ARHGEF3: variants seen among roughly 807,000 people sequenced by gnomAD.
ARHGEF3 encodes the protein 59.8 kDA protein.
A neutral mutation model predicts 63.2 loss-of-function variants in ARHGEF3; 28 were observed. That is an observed-to-expected ratio of 0.44 (90% CI 0.33 to 0.61). ARHGEF3 has a LOEUF of 0.61. ARHGEF3 is among the 20% of genes least tolerant of loss of function. The pLI is 0.03. For synonymous variants in ARHGEF3, 266 were observed against 254.2 expected (o/e 1.05, Z -0.44); for missense variants, 533 against 659.3 (o/e 0.81, Z 2.10).
chr3:57,010,556 T>C (rs1464090325), intron 2 of ARHGEF3, among the ~76,000 whole-genome samples: 2 of 152,328 alleles, frequency 1.3e-5, no homozygotes, highest in Non-Finnish European at 2.9e-5. Context: ...CAGGTTATTT[T>C]ACAGGGTTGT....
intron 2 of ARHGEF3, among the ~76,000 whole-genome samples, chr3:56,965,021 G>A (rs56119963): frequency 0.14 from 20,729 of 152,170 alleles, 1,568 homozygotes; most frequent in East Asian, 0.25. Flanking sequence ...GGGTGGCCAA[G>A]GAAGGAGGAT....
intron 2 of ARHGEF3, among the ~76,000 whole-genome samples, chr3:56,995,483 T>G (rs1701933932): frequency 6.6e-6 from 1 of 152,126 alleles, no homozygotes. Flanking sequence ...CATGATAAGA[T>G]CAGGCAGTGA....
At chr3:56,786,010 G>T (rs937795235) in intron 1 of ARHGEF3, among the ~76,000 whole-genome samples, 1 of 152,144 alleles carries the variant, frequency 6.6e-6, no homozygotes. Context: ...TGTTCAAGAT[G>T]CTCCCTGGTT....
chr3:57,042,676 A>C, intron 1 of ARHGEF3, among the ~76,000 whole-genome samples: 1 of 27,698 alleles, frequency 3.6e-5, no homozygotes, highest in East Asian at 9.5e-4. Flanking sequence ...ATATATATAT[A>C]TATATATATA....
Position 56,789,326 on chromosome 3 carries a change from C to T in ARHGEF3, c.96+12377G>A, listed in dbSNP as rs375889315. ...GTGTAATCTCACCCAATCCTTCCCACCAGAGTGAAGGAAAAAAGGAACAGG... is the reference window on the plus strand; with the variant it reads ...GTGTAATCTCACCCAATCCTTCCCATCAGAGTGAAGGAAAAAAGGAACAGG... On this transcript the variant is annotated intron_variant, in intron 1 of 9. Coordinates refer to ENST00000296315, the MANE Select transcript of ARHGEF3 (RefSeq NM_019555.3). 1.2e-4 allele frequency among the ~76,000 whole-genome samples: 19 copies of T among 152,242 alleles called. No homozygotes were observed. The South Asian group carries it at 3.7e-3, about 30-fold the overall frequency.
At chr3:56,977,873 T>C (rs1311535885) in intron 2 of ARHGEF3, among the ~76,000 whole-genome samples, 1 of 152,098 alleles carries the variant, frequency 6.6e-6, no homozygotes, top group Non-Finnish European at 1.5e-5. Flanking sequence ...ACAAAGTACA[T>C]AGAGAGTAGA....
chr3:56,909,190 C>T (rs1444467930), intron 3 of ARHGEF3, among the ~76,000 whole-genome samples: 1 of 152,200 alleles, frequency 6.6e-6, no homozygotes, highest in Non-Finnish European at 1.5e-5. Context: ...ACCACACAGA[C>T]ATTTTCATAA....
chr3:56,842,792 T>C (rs2039358485), intron 4 of ARHGEF3, among the ~76,000 whole-genome samples: 1 of 152,168 alleles, frequency 6.6e-6, no homozygotes, highest in South Asian at 2.1e-4. Flanking sequence ...CCCATTCAGA[T>C]AATGGCCAGA....
At chr3:56,808,934 A>G (rs866146744) in intron 4 of ARHGEF3, among the ~76,000 whole-genome samples, 16 of 152,326 alleles carry the variant, frequency 1.1e-4, no homozygotes, top group African/African-American at 3.8e-4. Flanking sequence ...CAATAGTGCC[A>G]CTATTGAGAA....
rs570345844 is a variant in ARHGEF3, at chr3:56,844,435, C to T, written c.192+37857G>A. On this transcript the variant is annotated intron_variant, in intron 4 of 12. Transcript: ENST00000338458. ...ATATTGTCTGGAATCTTGTCTGCCT[C>T]TGTTAATTTTCCTCAAATGACTATT... is the stretch of plus-strand genomic sequence containing the variant. 1.6e-3 allele frequency among the ~76,000 whole-genome samples: 238 copies of T among 152,186 alleles called. 1 individual carries two copies. Among genetic ancestry groups the T allele is most frequent in the Non-Finnish European group, 2.4e-3 (160 of 68,016 alleles).
intron 4 of ARHGEF3, among the ~76,000 whole-genome samples, chr3:56,827,976 C>T (rs1435447758): frequency 1.6e-5 from 2 of 125,484 alleles, no homozygotes; most frequent in African/African-American, 5.9e-5. Context: ...AAAAGGCATA[C>T]CTTAACCTCA....
At chr3:56,958,885 T>C in exon 3 of ARHGEF3, 2 of 1,551,170 alleles carry the variant, frequency 1.3e-6, no homozygotes, top group Non-Finnish European at 1.7e-6. Context: ...CGCTGCCGTT[T>C]AGGCCTAGAA....
At chr3:57,013,959 T>G (rs905755149) in intron 2 of ARHGEF3, among the ~76,000 whole-genome samples, 6 of 152,202 alleles carry the variant, frequency 3.9e-5, no homozygotes, top group African/African-American at 1.2e-4. Flanking sequence ...TGGGGAAGTT[T>G]TGTTCCTCTG....
chr3:56,797,645 C>T (rs1340901091), intron 1 of ARHGEF3, among the ~76,000 whole-genome samples: 1 of 152,184 alleles, frequency 6.6e-6, no homozygotes, highest in East Asian at 1.9e-4. Context: ...TTTCAGCTGG[C>T]ATTCAAGAAG....
intron 2 of ARHGEF3, among the ~76,000 whole-genome samples, chr3:57,022,468 T>C (rs1225889778): frequency 3.3e-5 from 5 of 151,024 alleles, no homozygotes; most frequent in African/African-American, 1.2e-4. Context: ...AGCTTTCCTA[T>C]ATACAAAAAA....
intron 2 of ARHGEF3, among the ~76,000 whole-genome samples, chr3:57,008,175 T>A (rs1702541589): frequency 6.6e-6 from 1 of 152,182 alleles, no homozygotes; most frequent in Non-Finnish European, 1.5e-5. Flanking sequence ...CAGATCAAAC[T>A]TCAGCAAAAT....
intron 2 of ARHGEF3, among the ~76,000 whole-genome samples, chr3:57,004,905 A>G (rs975420646): frequency 1.3e-5 from 2 of 152,106 alleles, no homozygotes; most frequent in African/African-American, 4.8e-5. Context: ...GGCTGCAGTG[A>G]GCTGAGATTG....
chr3:56,799,812 C>T (rs1182461427), intron 1 of ARHGEF3, among the ~76,000 whole-genome samples: 1 of 152,160 alleles, frequency 6.6e-6, no homozygotes, highest in Non-Finnish European at 1.5e-5. Flanking sequence ...TAAAAGATAT[C>T]TCTGCCTCAA....
Position 57,037,357 on chromosome 3 carries a change from C to A in ARHGEF3, c.-27-2181G>T, listed in dbSNP as rs970475419. On this transcript the variant is annotated intron_variant, in intron 1 of 12. Transcript: ENST00000338458. ...TTTCGGCCTAGAAACCAAGGTTGCT[C>A]AGTGTCCCAAGCTCCTCTGCAGCAT... is the stretch of plus-strand genomic sequence containing the variant. 2.6e-5 allele frequency among the ~76,000 whole-genome samples: 4 copies of A among 152,186 alleles called. No individual in the cohort carries two copies. The East Asian group carries it at 7.7e-4, about 29-fold the overall frequency.
Sources: gnomAD v4.1 joint callset for allele counts (sites outside exome capture counted in the v4.1 genomes callset) on GRCh38, gnomAD v4.1.1 for gene constraint, MANE v1.5 for transcripts, NCBI Gene and HGNC (gene_info 2026-07-23, HGNC 2026-07-21) for gene names.